FSTL4: variants seen among roughly 807,000 people sequenced by gnomAD.
The protein encoded by FSTL4 is follistatin-related protein 4.
FSTL4 carries 28 observed loss-of-function variants against 78.2 expected under a neutral mutation model. The ratio of observed to expected loss-of-function variants is 0.36; its 90% CI spans 0.27 to 0.49. The LOEUF is 0.49. Among genes scored for constraint, FSTL4 ranks in the 20% least tolerant of loss-of-function variants. FSTL4 has a pLI of 0.98. For synonymous variants in FSTL4, 422 were observed against 440.5 expected (o/e 0.96, Z 0.53); for missense variants, 922 against 1,084.9 (o/e 0.85, Z 2.11).
chr5:133,506,583 C>G (rs1035057682), intron 3 of FSTL4, among the ~76,000 whole-genome samples: 4 of 152,124 alleles, frequency 2.6e-5, no homozygotes, highest in Admixed American at 6.5e-5. Context: ...TTCATATAAC[C>G]GCTACACAGT....
chr5:133,208,129 C>T lies in FSTL4; in HGVS notation c.1716+2062G>A, dbSNP rs575486385. On this transcript the variant is annotated intron_variant, in intron 14 of 15. Transcript: ENST00000265342. The stretch of plus-strand genomic sequence containing the variant: ...CTTCCTCTCCTGGTTCATTACTTGC[C>T]ACTATCTCTGTCCACCTTGATGTCT... 3 of 152,300 alleles carry T rather than the reference C, an allele frequency of 2.0e-5. No individual in the cohort carries two copies. The South Asian group carries it at 6.2e-4, about 32-fold the overall frequency. 9.4% of individuals were successfully genotyped at this position (152,300 alleles called of 1,614,324 possible).
intron 7 of FSTL4, among the ~76,000 whole-genome samples, chr5:133,240,392 A>C (rs1214526343): frequency 6.6e-6 from 1 of 152,202 alleles, no homozygotes; most frequent in African/African-American, 2.4e-5. Flanking sequence ...ACTTGGAGCA[A>C]TCTCTAAGTA....
chr5:133,821,765 A>T, the FSTL4 span, among the ~76,000 whole-genome samples: 2 of 152,180 alleles, frequency 1.3e-5, no homozygotes, highest in Non-Finnish European at 2.9e-5. Flanking sequence ...GTCACTAAGG[A>T]TTCTTGAGCA....
chr5:133,227,273 T>TC (rs1751362868), intron 8 of FSTL4, among the ~76,000 whole-genome samples: 3 of 152,132 alleles, frequency 2.0e-5, no homozygotes, highest in Admixed American at 2.0e-4. Flanking sequence ...GAAAAGCCTG[T>TC]CACAAGTCAG....
the FSTL4 span, among the ~76,000 whole-genome samples, chr5:133,676,076 G>A: frequency 6.6e-6 from 1 of 152,198 alleles, no homozygotes; most frequent in Non-Finnish European, 1.5e-5. Flanking sequence ...GAATTAGAAT[G>A]TTTACTTTCT....
At chr5:133,299,725 C>A (rs1221590707) in intron 6 of FSTL4, among the ~76,000 whole-genome samples, 1 of 152,162 alleles carries the variant, frequency 6.6e-6, no homozygotes, top group Non-Finnish European at 1.5e-5. Context: ...TGCCCCATCA[C>A]CGCTCCTCCT....
chr5:133,441,980 T>C (rs1054353047), intron 3 of FSTL4, among the ~76,000 whole-genome samples: 1 of 152,230 alleles, frequency 6.6e-6, no homozygotes, highest in African/African-American at 2.4e-5. Flanking sequence ...GTACCCACAA[T>C]GGTGAGAAGC....
chr5:133,410,780 C>T (rs1171324923), intron 3 of FSTL4, among the ~76,000 whole-genome samples: 2 of 152,232 alleles, frequency 1.3e-5, no homozygotes, highest in Non-Finnish European at 2.9e-5. Flanking sequence ...CTACCATTTT[C>T]TAATCAGGAG....
chr5:133,535,946 G>T (rs1289798348), intron 3 of FSTL4, among the ~76,000 whole-genome samples: 1 of 152,212 alleles, frequency 6.6e-6, no homozygotes, highest in East Asian at 1.9e-4. Context: ...TATTTACACA[G>T]AGACTGAGAG....
intron 4 of FSTL4, among the ~76,000 whole-genome samples, chr5:133,318,792 C>T (rs1753973013): frequency 6.6e-6 from 1 of 152,226 alleles, no homozygotes; most frequent in African/African-American, 2.4e-5. Context: ...CCTTGCAGAT[C>T]CCCCCAACCT....
intron 3 of FSTL4, among the ~76,000 whole-genome samples, chr5:133,442,531 G>A (rs868299890): frequency 1.3e-5 from 2 of 151,934 alleles, no homozygotes; most frequent in Admixed American, 6.6e-5. Flanking sequence ...ATCCTCATCC[G>A]TTTTTGACCA....
intron 4 of FSTL4, among the ~76,000 whole-genome samples, chr5:133,318,064 G>C (rs1753952782): frequency 6.6e-6 from 1 of 151,994 alleles, no homozygotes; most frequent in South Asian, 2.1e-4. Context: ...TCCAATTTGG[G>C]GTCAATTGAT....
Position 133,527,454 on chromosome 5 carries a change from C to T in FSTL4, c.160+39732G>A, listed in dbSNP as rs554213624. On this transcript the variant is annotated intron_variant, in intron 3 of 15. Coordinates refer to ENST00000265342, the MANE Select transcript of FSTL4 (RefSeq NM_015082.2). The stretch of plus-strand genomic sequence containing the variant: ...AGCCTCTCAGTTGTGATCTCTTTTG[C>T]TCTGAGATGTGCACGTGTACACACA... 4.7e-5 allele frequency among the ~76,000 whole-genome samples: 7 copies of T among 149,952 alleles called. No individual in the cohort carries two copies. In the East Asian group the frequency reaches 1.4e-3, roughly 30 times the overall value.
At chr5:133,780,731 G>A in the FSTL4 span, among the ~76,000 whole-genome samples, 2 of 148,074 alleles carry the variant, frequency 1.4e-5, no homozygotes, top group African/African-American at 2.5e-5. Context: ...AGAATAACCC[G>A]ATGAGGTAGG....
At chr5:133,778,997 C>T in the FSTL4 span, among the ~76,000 whole-genome samples, 1 of 152,212 alleles carries the variant, frequency 6.6e-6, no homozygotes, top group Non-Finnish European at 1.5e-5. Flanking sequence ...TACTTCTTGT[C>T]TCTATGGTGG....
At chr5:133,467,286 G>A (rs1258225758) in intron 3 of FSTL4, among the ~76,000 whole-genome samples, 2 of 151,904 alleles carry the variant, frequency 1.3e-5, no homozygotes, top group African/African-American at 4.8e-5. Flanking sequence ...GTGTGTGAGT[G>A]TGTATGTGTA....
At position 133,380,815 on chromosome 5, in the gene FSTL4, C is replaced by CATAT. The variant is rs34021720; in HGVS notation, c.409+19919_409+19922dup. 8.9e-3 allele frequency among the ~76,000 whole-genome samples: 1,331 copies of CATAT among 148,742 alleles called. 15 individuals carry two copies. The highest frequency in any genetic ancestry group is 0.021 in the African/African-American group (867 of 40,816). Reference sequence around the variant, plus strand: ...ATCCAGCAATATATAAAATATATATCATATATATATATAACTTATAAAATA... The same window carrying CATAT: ...ATCCAGCAATATATAAAATATATATCATATATATATATATATAACTTATAAAATA... On this transcript the variant is annotated intron_variant, in intron 4 of 15. Coordinates refer to ENST00000265342, the MANE Select transcript of FSTL4 (RefSeq NM_015082.2).
chr5:133,658,529 C>T, the FSTL4 span, among the ~76,000 whole-genome samples: 1 of 151,900 alleles, frequency 6.6e-6, no homozygotes, highest in African/African-American at 2.4e-5. Flanking sequence ...TTTGCATTTC[C>T]TCTTTTATTA....
chr5:133,479,930 G>A (rs557251917), intron 3 of FSTL4, among the ~76,000 whole-genome samples: 19 of 152,184 alleles, frequency 1.2e-4, no homozygotes, highest in Admixed American at 3.9e-4. Flanking sequence ...TTTGGGAAAT[G>A]CACAGCAGTG....
Sources: allele counts gnomAD v4.1 joint callset (sites outside exome capture counted in the v4.1 genomes callset), GRCh38; gene constraint gnomAD v4.1.1; transcripts MANE v1.5; gene names NCBI Gene and HGNC (gene_info 2026-07-23, HGNC 2026-07-21).